Variants in ULK4 observed in about 807,000 individuals in gnomAD.
ULK4 encodes the protein unc-51 like kinase 4.
A neutral mutation model predicts 160.6 loss-of-function variants in ULK4; 133 were observed. That is an observed-to-expected ratio of 0.83 (90% CI 0.72 to 0.96). The LOEUF (loss-of-function observed/expected upper bound fraction) is 0.96. Ranked by LOEUF, ULK4 falls within the 40% of genes least tolerant of loss-of-function variation. ULK4 has a pLI of 0.00. For synonymous variants in ULK4, 534 were observed against 539.8 expected, an observed-to-expected ratio of 0.99 and a Z score of 0.15; for missense variants, 1,580 against 1,499.5, an observed-to-expected ratio of 1.05 and a Z score of -0.89.
chr3:41,641,565 T>A (rs1265970723), intron 30 of ULK4, among the ~76,000 whole-genome samples: 1 of 152,068 alleles, frequency 6.6e-6, no homozygotes, highest in Non-Finnish European at 1.5e-5. Flanking sequence ...GGCAGAATGA[T>A]AATGTGTCTG....
chr3:41,266,095 G>A (rs989562047), intron 35 of ULK4, among the ~76,000 whole-genome samples: 1 of 152,164 alleles, frequency 6.6e-6, no homozygotes, highest in Non-Finnish European at 1.5e-5. Flanking sequence ...GGCCTCCAAG[G>A]GCAACATCAA....
At chr3:41,413,132 C>T (rs1488028877) in intron 34 of ULK4, among the ~76,000 whole-genome samples, 1 of 152,148 alleles carries the variant, frequency 6.6e-6, no homozygotes, top group Non-Finnish European at 1.5e-5. Context: ...AGAAGAATGA[C>T]AGCCACGTGA....
Position 41,902,813 on chromosome 3 carries a change from A to G in ULK4, c.1183-1984T>C, listed in dbSNP as rs79468214. ...TGTTAATTATGTGCTCTTAGGGAAG[A>G]TAAAAAAAGCTTTGTTTTCTTCATC... is the stretch of plus-strand genomic sequence containing the variant. On this transcript the variant is annotated intron_variant, in intron 12 of 36. Transcript: ENST00000301831. Among the ~76,000 whole-genome samples, 838 of 152,334 alleles carry G rather than the reference A, an allele frequency of 5.5e-3. 6 individuals are homozygous for G. Among genetic ancestry groups the G allele is most frequent in the African/African-American group, 0.019 (774 of 41,576 alleles).
At chr3:41,616,195 C>T (rs1460465474) in intron 30 of ULK4, among the ~76,000 whole-genome samples, 1 of 152,188 alleles carries the variant, frequency 6.6e-6, no homozygotes, top group African/African-American at 2.4e-5. Flanking sequence ...ACCTGGTAGA[C>T]ACTAGGCACT....
rs118041428 is a variant in ULK4, at chr3:41,332,609, A to G, written c.3678+65470T>C. ...TAGTACTTATCTTTGAAATCTTTAG[A>G]CAACTTTAACCAAAATTTAAAGAAT... On this transcript the variant is annotated intron_variant, in intron 35 of 36. Transcript: ENST00000301831. Among the ~76,000 whole-genome samples the G allele has an allele frequency of 3.0e-4, 46 of 152,360 alleles. 1 individual carries two copies. The East Asian group carries it at 8.7e-3, about 29-fold the overall frequency.
At chr3:41,300,864 TA>T in intron 35 of ULK4, among the ~76,000 whole-genome samples, 1 of 114,114 alleles carries the variant, frequency 8.8e-6, no homozygotes, top group Admixed American at 8.7e-5. Context: ...TATATATATA[TA>T]TATATATATA....
chr3:41,473,085 A>G (rs1368613048), intron 32 of ULK4, among the ~76,000 whole-genome samples: 2 of 152,202 alleles, frequency 1.3e-5, no homozygotes, highest in South Asian at 2.1e-4. Flanking sequence ...CAACAAATCA[A>G]TGTACCTCAA....
chr3:41,268,076 T>C (rs2079074828), intron 35 of ULK4, among the ~76,000 whole-genome samples: 1 of 152,112 alleles, frequency 6.6e-6, no homozygotes, highest in Non-Finnish European at 1.5e-5. Context: ...TGGTCACAAC[T>C]GGGGATAAGG....
At chr3:41,518,731 G>GA (rs1559668677) in intron 32 of ULK4, among the ~76,000 whole-genome samples, 1 of 152,234 alleles carries the variant, frequency 6.6e-6, no homozygotes, top group South Asian at 2.1e-4. Context: ...TCAGTTAAGG[G>GA]AAAAAAGAGT....
At chr3:41,865,840 G>A (rs1022736331) in intron 17 of ULK4, among the ~76,000 whole-genome samples, 3 of 151,466 alleles carry the variant, frequency 2.0e-5, no homozygotes, top group African/African-American at 7.3e-5. Flanking sequence ...AAAAATTTTA[G>A]AAACACACAC....
chr3:41,420,048 T>G (rs2082624551), intron 34 of ULK4, among the ~76,000 whole-genome samples: 1 of 152,054 alleles, frequency 6.6e-6, no homozygotes, highest in Non-Finnish European at 1.5e-5. Context: ...TAACGTAAGT[T>G]TATTCCTTTT....
In ULK4 at chr3:41,356,290, G is replaced by A. The variant is rs79769090; in HGVS notation, c.3678+41789C>T. ...TGGCAGTCCTTGGGATACGCCAGAC[G>A]CATAGACGAGACCTGAAGCTGCCTG... is the stretch of plus-strand genomic sequence containing the variant. On this transcript the variant is annotated intron_variant, in intron 35 of 36. Transcript: ENST00000301831. Among the ~76,000 whole-genome samples the A allele has an allele frequency of 2.5e-3, 375 of 152,302 alleles. 1 individual carries two copies. Among genetic ancestry groups the A allele is most frequent in the East Asian group, 0.015 (78 of 5,178 alleles).
chr3:41,953,006 C>G (rs752274449), intron 2 of ULK4, among the ~76,000 whole-genome samples: 2 of 151,288 alleles, frequency 1.3e-5, no homozygotes, highest in Non-Finnish European at 2.9e-5. Flanking sequence ...ACCACAGAGA[C>G]AAAAAGTAGA....
chr3:41,454,890 GT>G (rs2083507895), intron 34 of ULK4, among the ~76,000 whole-genome samples: 1 of 151,890 alleles, frequency 6.6e-6, no homozygotes, highest in African/African-American at 2.4e-5. Flanking sequence ...TAGAGACGGG[GT>G]TTCACCATAC....
At chr3:41,529,730 C>G (rs1440058939) in intron 32 of ULK4, among the ~76,000 whole-genome samples, 1 of 152,182 alleles carries the variant, frequency 6.6e-6, no homozygotes, top group Admixed American at 6.5e-5. Context: ...TGGCCTCAAG[C>G]AATCCACCTG....
At position 41,896,993 on chromosome 3, in the gene ULK4, T is replaced by C. The variant is rs756635181; in HGVS notation, c.1359A>G (p.Leu453=). Residue 453 remains leucine, a synonymous_variant, in exon 15 of 37, where the codon TTA becomes TTG. Coordinates refer to ENST00000301831, the MANE Select transcript of ULK4 (RefSeq NM_017886.4). ...LHLPTYSVDK[L]LFLKDQDWND... Reference sequence around the variant, plus strand: ...TCCAATCTTGATCTTTCAGAAATAATAACTTATCCACTGCGATGGAAAGAA... The same window carrying C: ...TCCAATCTTGATCTTTCAGAAATAACAACTTATCCACTGCGATGGAAAGAA... 5.6e-6 allele frequency: 9 copies of C among 1,611,326 alleles called. No individual in the cohort carries two copies. The African/African-American group carries it at 9.4e-5, about 17-fold the overall frequency.
chr3:41,526,099 A>G (rs2086107113), intron 32 of ULK4, among the ~76,000 whole-genome samples: 1 of 151,974 alleles, frequency 6.6e-6, no homozygotes, highest in South Asian at 2.1e-4. Context: ...TCTGTCTCAC[A>G]CTTCCTTTGT....
chr3:41,750,708 T>C (rs2038590455), intron 22 of ULK4, among the ~76,000 whole-genome samples: 1 of 152,072 alleles, frequency 6.6e-6, no homozygotes. Flanking sequence ...AAGAAATGCC[T>C]GGTCTGGCCG....
At chr3:41,420,638 C>T (rs2125836073) in intron 34 of ULK4, among the ~76,000 whole-genome samples, 1 of 151,410 alleles carries the variant, frequency 6.6e-6, no homozygotes, top group South Asian at 2.1e-4. Flanking sequence ...GCACCAGCTA[C>T]CATGCCTGGC....
Sources: allele counts gnomAD v4.1 joint callset (sites outside exome capture counted in the v4.1 genomes callset), GRCh38; gene constraint gnomAD v4.1.1; transcripts MANE v1.5; gene names NCBI Gene and HGNC (gene_info 2026-07-23, HGNC 2026-07-21).